The following GOLM2 variants were observed in gnomAD, a reference collection of about 807,000 sequenced individuals.
GOLM2 encodes the protein golgi membrane protein 2.
Under a neutral mutation model 55.9 loss-of-function variants are expected in GOLM2, and 26 were observed. The observed-to-expected ratio is 0.47, with a 90% CI of 0.34 to 0.65. The LOEUF (loss-of-function observed/expected upper bound fraction) is 0.65, where lower values mean the gene tolerates loss of function less well. GOLM2 is among the 30% of genes least tolerant of loss of function. The pLI, the probability that GOLM2 is intolerant of heterozygous loss-of-function variation, is 0.01. For synonymous variants in GOLM2, 165 were observed against 194.6 expected (o/e 0.85, Z 1.27); for missense variants, 486 against 531.8 (o/e 0.91, Z 0.85).
chr15:44,289,288 G>C lies in GOLM2; in HGVS notation c.259G>C (p.Asp87His), dbSNP rs756617189. 6.8e-6 allele frequency: 11 copies of C among 1,613,110 alleles called. No individual in the cohort carries two copies. The highest frequency in any genetic ancestry group is 1.7e-6 in the Non-Finnish European group (2 of 1,179,788). The change falls in exon 1 of 10, where the codon GAC (aspartate) becomes CAC (histidine). Residue 87 changes from aspartate (D) to histidine (H), a missense_variant. By Grantham distance (81) the Asp-to-His change is moderately conservative (BLOSUM62 -1). Transcript: ENST00000299957. The surrounding 1 kb of genome is among the most constrained non-coding windows in gnomAD (Gnocchi z 4.8). ...HKKQIDQKEA[D>H]YGRLSSRLQA... ...GAAACAGATCGACCAGAAGGAGGCC[G>C]ACTACGGCCGCCTCAGCAGCCGGCT...
At chr15:44,342,703 CTTTGA>C (rs1442687534) in intron 6 of GOLM2, among the ~76,000 whole-genome samples, 1 of 152,210 alleles carries the variant, frequency 6.6e-6, no homozygotes, top group Non-Finnish European at 1.5e-5. Context: ...TAGAAGGAAA[CTTTGA>C]GCTCTGTGAT....
In GOLM2 at chr15:44,380,883, G is replaced by C; in HGVS notation, c.979G>C (p.Gly327Arg). The C allele has an allele frequency of 6.3e-7, 1 of 1,599,034 alleles. No homozygotes were observed. The highest frequency in any genetic ancestry group is 8.5e-7 in the Non-Finnish European group (1 of 1,172,216). The change falls in exon 8 of 10, where the codon GGC (glycine) becomes CGC (arginine). Residue 327 changes from glycine to arginine, a missense_variant. Physicochemically the swap from Gly to Arg is moderately radical, Grantham distance 125 (BLOSUM62 -2). Transcript: ENST00000299957. Reference protein sequence around the residue: ...PSSPLQRLIPGSNLDSEPRIQ... With the variant: ...PSSPLQRLIPRSNLDSEPRIQ... ...CAGTCCTCTTCAGCGTTTAATTCCA[G>C]GCTCAAACTTGGACAGTGAACCCAG...
At chr15:44,347,267 G>A (rs971743952) in intron 6 of GOLM2, among the ~76,000 whole-genome samples, 2 of 152,196 alleles carry the variant, frequency 1.3e-5, no homozygotes, top group Non-Finnish European at 2.9e-5. Flanking sequence ...CAAAAATCAG[G>A]TGAGCAATCA....
chr15:44,378,295 G>A (rs143821669), intron 6 of GOLM2, among the ~76,000 whole-genome samples: 1 of 150,684 alleles, frequency 6.6e-6, no homozygotes, highest in Non-Finnish European at 1.5e-5. Context: ...GACCTCGTGA[G>A]CCGCCCGCCT....
chr15:44,407,755 GCTTT>G (rs1459259361), intron 9 of GOLM2, among the ~76,000 whole-genome samples: 1 of 150,022 alleles, frequency 6.7e-6, no homozygotes, highest in Non-Finnish European at 1.5e-5. Context: ...AGGCGATAGA[GCTTT>G]CTTTCTTTTA....
chr15:44,313,111 T>C (rs1311611108), intron 1 of GOLM2, among the ~76,000 whole-genome samples: 2 of 150,678 alleles, frequency 1.3e-5, no homozygotes, highest in Non-Finnish European at 3.0e-5. Flanking sequence ...TAGCCTGGTG[T>C]GGTGGTGGGC....
At chr15:44,309,195 G>A (rs376866806) in intron 1 of GOLM2, among the ~76,000 whole-genome samples, 2 of 152,292 alleles carry the variant, frequency 1.3e-5, no homozygotes, top group African/African-American at 4.8e-5. Context: ...TGGTGGGAAT[G>A]TAAATAGCCA....
chr15:44,293,132 A>G (rs1029064678), intron 1 of GOLM2, among the ~76,000 whole-genome samples: 5 of 151,914 alleles, frequency 3.3e-5, no homozygotes, highest in Non-Finnish European at 7.4e-5. Context: ...GATCTGGAAA[A>G]TTATTGGAAA....
chr15:44,324,839 T>C (rs930959218), intron 2 of GOLM2, among the ~76,000 whole-genome samples: 9 of 152,014 alleles, frequency 5.9e-5, no homozygotes, highest in African/African-American at 2.2e-4. Context: ...AGTACAGCCA[T>C]GTCTTTCTAT....
At chr15:44,407,866 C>G (rs796352140) in intron 9 of GOLM2, among the ~76,000 whole-genome samples, 3 of 151,922 alleles carry the variant, frequency 2.0e-5, no homozygotes, top group African/African-American at 7.2e-5. Context: ...ATTCTCTTGC[C>G]TCAGCTTCCT....
intron 2 of GOLM2, among the ~76,000 whole-genome samples, chr15:44,326,408 T>C (rs750989182): frequency 6.6e-6 from 1 of 152,018 alleles, no homozygotes; most frequent in Non-Finnish European, 1.5e-5. Flanking sequence ...TTAAGCATTA[T>C]GTGTCTCAGC....
intron 1 of GOLM2, among the ~76,000 whole-genome samples, chr15:44,296,411 C>A (rs1323842744): frequency 1.3e-5 from 2 of 152,126 alleles, no homozygotes; most frequent in Non-Finnish European, 2.9e-5. Flanking sequence ...AGTAAATGAC[C>A]TTTTTTCCCT....
At chr15:44,331,963 C>T (rs1195722154) in intron 3 of GOLM2, 25 bp from the exon 4 acceptor site, 2 of 1,473,572 alleles carry the variant, frequency 1.4e-6, no homozygotes, top group Non-Finnish European at 1.9e-6. Flanking sequence ...ATAATATAAT[C>T]TAAAAGAATG....
intron 1 of GOLM2, among the ~76,000 whole-genome samples, chr15:44,306,119 T>C (rs886074314): frequency 1.3e-5 from 2 of 152,182 alleles, no homozygotes; most frequent in Non-Finnish European, 2.9e-5. Context: ...GATATTGACT[T>C]CTCTGCAGCT....
intron 9 of GOLM2, among the ~76,000 whole-genome samples, chr15:44,407,393 G>T (rs2079604743): frequency 6.6e-6 from 1 of 151,294 alleles, no homozygotes; most frequent in African/African-American, 2.4e-5. Context: ...AGCCTCCTGA[G>T]TATCTGGGAC....
intron 1 of GOLM2, among the ~76,000 whole-genome samples, chr15:44,301,174 G>T (rs2078794923): frequency 6.6e-6 from 1 of 152,048 alleles, no homozygotes; most frequent in African/African-American, 2.4e-5. Context: ...TCAGACTCCT[G>T]GCCTCAAGTG....
intron 6 of GOLM2, among the ~76,000 whole-genome samples, chr15:44,365,354 C>G (rs546577958): frequency 6.6e-6 from 1 of 152,066 alleles, no homozygotes; most frequent in African/African-American, 2.4e-5. Context: ...CAGTGAAACC[C>G]CATCTCTACA....
At chr15:44,310,122 G>A (rs1280628412) in intron 1 of GOLM2, among the ~76,000 whole-genome samples, 3 of 152,070 alleles carry the variant, frequency 2.0e-5, no homozygotes, top group Admixed American at 6.5e-5. Flanking sequence ...GACCTCAAGC[G>A]ATCTGCTTGC....
Position 44,400,574 on chromosome 15 carries a change from CTTT to C in GOLM2, c.1073-2288_1073-2286del, listed in dbSNP as rs59386038. Among the ~76,000 whole-genome samples, 477 of 110,960 alleles carry C rather than the reference CTTT, an allele frequency of 4.3e-3. 1 individual carries two copies. The highest frequency in any genetic ancestry group is 0.018 in the African/African-American group (459 of 24,936). 72.8% of individuals were successfully genotyped at this position (110,960 alleles called of 152,430 possible). A position where few individuals can be genotyped will look rare whatever the true frequency, so the allele number is the denominator to read the frequency against. On this transcript the variant is annotated intron_variant, in intron 8 of 9. Coordinates refer to ENST00000299957, the MANE Select transcript of GOLM2 (RefSeq NM_138423.4). ...TCAGGCCATCTGCCCGCCTTGCCGC[CTTT>C]TTTTTTTTTTTTTTTTTTTTTTTTA... is the stretch of plus-strand genomic sequence containing the variant.
Sources: allele counts gnomAD v4.1 joint callset (sites outside exome capture counted in the v4.1 genomes callset), GRCh38; gene constraint gnomAD v4.1.1; non-coding constraint Gnocchi (gnomAD v3.1); transcripts MANE v1.5; gene names NCBI Gene and HGNC (gene_info 2026-07-23, HGNC 2026-07-21).